SPATC1: variants seen among roughly 807,000 people sequenced by gnomAD.
SPATC1 encodes spermatogenesis and centriole associated 1.
In SPATC1, 35 loss-of-function variants were observed where a neutral mutation model predicts 36.5. The observed-to-expected ratio is 0.96, with a 90% CI of 0.73 to 1.27. SPATC1 has a LOEUF of 1.27. Ranked by LOEUF, SPATC1 falls within the 50% of genes most tolerant of loss-of-function variation. SPATC1 has a pLI of 0.00. For synonymous variants in SPATC1, 361 were observed against 353.6 expected, an observed-to-expected ratio of 1.02 and a Z score of -0.24; for missense variants, 779 against 796.0, an observed-to-expected ratio of 0.98 and a Z score of 0.26.
chr8:144,021,221 C>T (rs1176554165), intron 1 of SPATC1, among the ~76,000 whole-genome samples: 7 of 149,354 alleles, frequency 4.7e-5, no homozygotes, highest in Non-Finnish European at 9.0e-5. Context: ...CCCTCAAGAC[C>T]GCCTTCCCTC....
chr8:144,033,188 G>A (rs1308884350), intron 1 of SPATC1, among the ~76,000 whole-genome samples: 1 of 152,190 alleles, frequency 6.6e-6, no homozygotes, highest in African/African-American at 2.4e-5. Flanking sequence ...CTGAGGTCAG[G>A]AGTTCGAGAC....
At position 144,027,224 on chromosome 8, in the gene SPATC1, T is replaced by C. The variant is rs888816450; in HGVS notation, c.212-12685T>C. 2.0e-5 allele frequency among the ~76,000 whole-genome samples: 3 copies of C among 152,136 alleles called. No homozygotes were observed. In the East Asian group the frequency reaches 5.8e-4, roughly 29 times the overall value. ...CCCAGACTCAAATGATCCTGCCACCTCGGCCGCCCAAAGTGGTGGGATTTT... is the reference window on the plus strand; with the variant it reads ...CCCAGACTCAAATGATCCTGCCACCCCGGCCGCCCAAAGTGGTGGGATTTT... On this transcript the variant is annotated intron_variant, in intron 1 of 4. Transcript: ENST00000377470.
intron 1 of SPATC1, among the ~76,000 whole-genome samples, chr8:144,032,672 T>C (rs907352053): frequency 6.6e-6 from 1 of 152,186 alleles, no homozygotes; most frequent in Non-Finnish European, 1.5e-5. Flanking sequence ...CCAGGGTTTA[T>C]TGCTGCTTGT....
chr8:144,034,210 A>G (rs964932058), intron 1 of SPATC1, among the ~76,000 whole-genome samples: 12 of 152,138 alleles, frequency 7.9e-5, no homozygotes, highest in Non-Finnish European at 1.8e-4. Flanking sequence ...AGGACAGGGA[A>G]GCCAAAGGTG....
rs782439607 is a variant in SPATC1, at chr8:144,016,237, C to T, written c.211+3511C>T. Among the ~76,000 whole-genome samples, 5 of 152,050 alleles carry T rather than the reference C, an allele frequency of 3.3e-5. No individual in the cohort carries two copies. The highest frequency in any genetic ancestry group is 7.4e-5 in the Non-Finnish European group (5 of 67,998). ...CGCCATTGCACTCCAGCCTGAGCAA[C>T]AAGAGCAAGACTTCATCTCAAAAAA... On this transcript the variant is annotated intron_variant, in intron 1 of 4. Coordinates refer to ENST00000377470, the MANE Select transcript of SPATC1 (RefSeq NM_198572.3). This position sits in a 1 kb window ranked among gnomAD's most constrained non-coding sequence, Gnocchi z 4.5.
In SPATC1 at chr8:144,046,523, A is replaced by T; in HGVS notation, c.1447-104A>T. On this transcript the variant is annotated intron_variant, in intron 4 of 4. Transcript: ENST00000377470. The surrounding 1 kb of genome is among the most constrained non-coding windows in gnomAD (Gnocchi z 6.6). Reference sequence around the variant, plus strand: ...AACCTCCCCACCGCACACCCCTCGGATCCTGGCCATCTCACAGCCTCACCT... The same window carrying T: ...AACCTCCCCACCGCACACCCCTCGGTTCCTGGCCATCTCACAGCCTCACCT... 9.1e-7 allele frequency: 1 copy of T among 1,094,528 alleles called. No individual in the cohort carries two copies. The allele number at this position is 1,094,528 out of a possible 1,614,324, so 67.8% of individuals were successfully genotyped here. A position where few individuals can be genotyped will look rare whatever the true frequency, so the allele number is the denominator to read the frequency against.
rs1835290021 is a variant in SPATC1 at position 144,047,055 on chromosome 8, T to C, written c.*99T>C. The C allele has an allele frequency of 2.1e-6, 3 of 1,408,966 alleles. No individual in the cohort carries two copies. In the Admixed American group the frequency reaches 6.6e-5, roughly 31 times the overall value. The allele number at this position is 1,408,966 out of a possible 1,614,324, so 87.3% of individuals were successfully genotyped here. A position where few individuals can be genotyped will look rare whatever the true frequency, so the allele number is the denominator to read the frequency against. ...CTGGTCGCTGGGCCTGTGCCAGCGC[T>C]CCTGGGTGGTGCTGCCTCCTCTGGG... On this transcript the variant is annotated 3_prime_UTR_variant, in exon 5 of 5. Transcript: ENST00000377470. The surrounding 1 kb of genome is among the most constrained non-coding windows in gnomAD (Gnocchi z 4.1).
chr8:144,033,339 A>C (rs1384268566), intron 1 of SPATC1, among the ~76,000 whole-genome samples: 1 of 152,114 alleles, frequency 6.6e-6, no homozygotes, highest in African/African-American at 2.4e-5. Flanking sequence ...AGGAGGTTGC[A>C]GTGAGCTGAG....
chr8:144,037,999 G>C (rs1333657664), intron 1 of SPATC1, among the ~76,000 whole-genome samples: 1 of 151,152 alleles, frequency 6.6e-6, no homozygotes, highest in Non-Finnish European at 1.5e-5. Context: ...CGAGGTGGCG[G>C]GCGCCTGTAA....
chr8:144,041,942 G>T (rs940426231), intron 4 of SPATC1: 1 of 985,252 alleles, frequency 1.0e-6, no homozygotes, highest in Non-Finnish European at 1.2e-6. Flanking sequence ...AGCATCCTTG[G>T]GTTAGTTTTG....
At chr8:144,022,623 A>G (rs1834559607) in intron 1 of SPATC1, among the ~76,000 whole-genome samples, 1 of 142,832 alleles carries the variant, frequency 7.0e-6, no homozygotes, top group Non-Finnish European at 1.5e-5. Context: ...CTTTCCCCTC[A>G]AGACCCTCCC....
At chr8:144,032,009 C>T (rs1834807573) in intron 1 of SPATC1, among the ~76,000 whole-genome samples, 1 of 152,086 alleles carries the variant, frequency 6.6e-6, no homozygotes, top group South Asian at 2.1e-4. Flanking sequence ...TGTAAGCCAC[C>T]ATGCCTGGTC....
chr8:144,021,391 C>G (rs1385715101), intron 1 of SPATC1, among the ~76,000 whole-genome samples: 1 of 113,600 alleles, frequency 8.8e-6, no homozygotes, highest in Non-Finnish European at 1.9e-5. Context: ...TATCCTCTCT[C>G]CTCGGGACCT....
intron 1 of SPATC1, among the ~76,000 whole-genome samples, chr8:144,037,463 C>G (rs1013556336): frequency 2.6e-5 from 4 of 152,054 alleles, no homozygotes; most frequent in Non-Finnish European, 5.9e-5. Flanking sequence ...TTTCATTTTG[C>G]CTGTACTAAG....
At chr8:144,015,253 G>A (rs1834361203) in intron 1 of SPATC1, among the ~76,000 whole-genome samples, 1 of 150,458 alleles carries the variant, frequency 6.6e-6, no homozygotes, top group Non-Finnish European at 1.5e-5. Context: ...GTTTCACCAA[G>A]CTGGCCACAC....
intron 1 of SPATC1, among the ~76,000 whole-genome samples, chr8:144,018,772 C>G (rs1440838399): frequency 1.3e-5 from 2 of 149,938 alleles, no homozygotes; most frequent in African/African-American, 2.5e-5. Context: ...TGGCTCACAT[C>G]TGTAGTCCCA....
intron 1 of SPATC1, among the ~76,000 whole-genome samples, chr8:144,013,508 T>C (rs1004331857): frequency 1.3e-5 from 2 of 152,194 alleles, no homozygotes; most frequent in Non-Finnish European, 2.9e-5. Flanking sequence ...CTTAATTCCC[T>C]GCCCCCTACC....
rs1471251916 is a variant in SPATC1 at position 144,019,609 on chromosome 8, T to TG, written c.211+6885dup. On this transcript the variant is annotated intron_variant, in intron 1 of 4. Coordinates refer to ENST00000377470, the MANE Select transcript of SPATC1 (RefSeq NM_198572.3). Reference sequence around the variant, plus strand: ...GGGGCTTGCAGGGAGATAGGGCTGTTGGAGTAGCTGGGGAGACAAGAAATG... The same window carrying TG: ...GGGGCTTGCAGGGAGATAGGGCTGTTGGGAGTAGCTGGGGAGACAAGAAATG... Among the ~76,000 whole-genome samples, 20 of 152,134 alleles carry TG rather than the reference T, an allele frequency of 1.3e-4. No homozygotes were observed. The East Asian group carries it at 3.9e-3, about 29-fold the overall frequency.
At chr8:144,031,177 C>T (rs1230555244) in intron 1 of SPATC1, among the ~76,000 whole-genome samples, 3 of 152,198 alleles carry the variant, frequency 2.0e-5, no homozygotes, top group Admixed American at 6.5e-5. Context: ...TAAAGGACTC[C>T]CTTTAGCATT....
Sources: allele counts gnomAD v4.1 joint callset (sites outside exome capture counted in the v4.1 genomes callset), GRCh38; gene constraint gnomAD v4.1.1; non-coding constraint Gnocchi (gnomAD v3.1); transcripts MANE v1.5; gene names NCBI Gene and HGNC (gene_info 2026-07-23, HGNC 2026-07-21).